Variants in ANKRD30BL observed in about 807,000 individuals in gnomAD.
ANKRD30BL encodes putative ankyrin repeat domain-containing protein 30B-like.
Under a neutral mutation model 18.4 loss-of-function variants are expected in ANKRD30BL, and 20 were observed. The ratio of observed to expected loss-of-function variants is 1.09; its 90% CI spans 0.77 to 1.58. The LOEUF (loss-of-function observed/expected upper bound fraction) is 1.58, where lower values mean the gene tolerates loss of function less well. Among genes scored for constraint, ANKRD30BL ranks in the 40% most tolerant of loss-of-function variants. The pLI is 0.00. For missense variants in ANKRD30BL, 224 were observed against 268.6 expected, an observed-to-expected ratio of 0.83 and a Z score of 1.16; for synonymous variants, 72 against 100.9, an observed-to-expected ratio of 0.71 and a Z score of 1.72.
chr2:132,217,327 A>G (rs1679533421), intron 1 of ANKRD30BL, among the ~76,000 whole-genome samples: 1 of 152,158 alleles, frequency 6.6e-6, no homozygotes, highest in African/African-American at 2.4e-5. Flanking sequence ...TTCACCTCAC[A>G]GAATTGAACC....
intron 1 of ANKRD30BL, among the ~76,000 whole-genome samples, chr2:132,243,233 A>T (rs1185877767): frequency 6.6e-6 from 1 of 151,360 alleles, no homozygotes; most frequent in Admixed American, 6.6e-5. Flanking sequence ...TCACATAACA[A>T]ATAGGCAGAA....
At chr2:132,231,306 T>C (rs571159672) in intron 1 of ANKRD30BL, among the ~76,000 whole-genome samples, 1 of 152,310 alleles carries the variant, frequency 6.6e-6, no homozygotes, top group African/African-American at 2.4e-5. Flanking sequence ...GAGGCCTTCA[T>C]TGAAAACGGG....
At chr2:132,191,331 G>A (rs1328938336) in intron 1 of ANKRD30BL, among the ~76,000 whole-genome samples, 1 of 151,988 alleles carries the variant, frequency 6.6e-6, no homozygotes, top group Non-Finnish European at 1.5e-5. Context: ...ATTTACAAAT[G>A]TTTCTATTCC....
At chr2:132,216,780 C>T (rs902451809) in intron 1 of ANKRD30BL, among the ~76,000 whole-genome samples, 1 of 151,900 alleles carries the variant, frequency 6.6e-6, no homozygotes, top group Non-Finnish European at 1.5e-5. Context: ...GAAGCATTCT[C>T]AGAAACTTCT....
At chr2:132,176,794 CA>C (rs1688374050) in intron 1 of ANKRD30BL, among the ~76,000 whole-genome samples, 2 of 151,966 alleles carry the variant, frequency 1.3e-5, no homozygotes, top group African/African-American at 2.4e-5. Flanking sequence ...CTGTAAAAAA[CA>C]AAAAATGCAG....
intron 1 of ANKRD30BL, among the ~76,000 whole-genome samples, chr2:132,217,693 A>C (rs567000091): frequency 1.3e-5 from 2 of 152,294 alleles, no homozygotes; most frequent in South Asian, 4.1e-4. Flanking sequence ...CTTTTTATAG[A>C]GCAGTTTAAG....
intron 1 of ANKRD30BL, among the ~76,000 whole-genome samples, chr2:132,239,825 T>C (rs62166213): frequency 8.8e-5 from 13 of 148,430 alleles, no homozygotes. Flanking sequence ...ATAAAAACTA[T>C]ACAGAAGCAT....
At chr2:132,202,153 C>T (rs1407213586) in intron 1 of ANKRD30BL, among the ~76,000 whole-genome samples, 1 of 146,224 alleles carries the variant, frequency 6.8e-6, no homozygotes, top group African/African-American at 2.8e-5. Flanking sequence ...GGGGTGGAGG[C>T]AGGGGGGAGG....
chr2:132,221,050 C>T (rs1015281398), intron 1 of ANKRD30BL, among the ~76,000 whole-genome samples: 28 of 150,410 alleles, frequency 1.9e-4, no homozygotes, highest in African/African-American at 2.2e-4. Flanking sequence ...TCTGCCCGGC[C>T]GCCCCGTCTG....
chr2:132,246,290 G>A (rs145226787), intron 1 of ANKRD30BL, among the ~76,000 whole-genome samples: 2 of 151,792 alleles, frequency 1.3e-5, no homozygotes, highest in South Asian at 2.1e-4. Flanking sequence ...GGTGAAAAAG[G>A]AAATATCTTC....
rs374037816 is a variant in ANKRD30BL, at chr2:132,223,153, C to T, written n.441+34376G>A. 4.2e-4 allele frequency among the ~76,000 whole-genome samples: 64 copies of T among 151,598 alleles called. No individual in the cohort carries two copies. The East Asian group carries it at 7.8e-3, about 19-fold the overall frequency. On this transcript the variant is annotated intron_variant and non_coding_transcript_variant, in intron 1 of 4. Coordinates refer to the ANKRD30BL transcript ENST00000470729. ...AGCAGCATTCTCATTAACTTCTTTG[C>T]GATGTGTACATTCAACTCACAGAGT...
intron 1 of ANKRD30BL, among the ~76,000 whole-genome samples, chr2:132,201,287 T>A (rs975936658): frequency 6.6e-6 from 1 of 152,072 alleles, no homozygotes; most frequent in African/African-American, 2.4e-5. Flanking sequence ...AAGCCAACAT[T>A]GACAAATGGG....
intron 1 of ANKRD30BL, among the ~76,000 whole-genome samples, chr2:132,189,382 T>C (rs563561452): frequency 1.7e-4 from 26 of 152,278 alleles, no homozygotes; most frequent in Middle Eastern, 3.4e-3. Context: ...AGAGATTTTA[T>C]TCACTTTTTA....
chr2:132,161,264 AGGT>A (rs1190061701), intron 1 of ANKRD30BL, among the ~76,000 whole-genome samples: 12 of 152,280 alleles, frequency 7.9e-5, no homozygotes, highest in African/African-American at 2.9e-4. Context: ...GTTGATTTTA[AGGT>A]GGCCTGTGCC....
At chr2:132,203,599 A>G (rs1340492244) in intron 1 of ANKRD30BL, among the ~76,000 whole-genome samples, 1 of 152,126 alleles carries the variant, frequency 6.6e-6, no homozygotes, top group African/African-American at 2.4e-5. Flanking sequence ...TCAGTAGAGA[A>G]ACTGAATACA....
At chr2:132,166,961 CAT>C (rs1462801262) in intron 1 of ANKRD30BL, among the ~76,000 whole-genome samples, 1 of 151,634 alleles carries the variant, frequency 6.6e-6, no homozygotes, top group African/African-American at 2.4e-5. Context: ...TACTGTATCT[CAT>C]ATATTTTAAT....
chr2:132,244,872 AG>A, intron 1 of ANKRD30BL, among the ~76,000 whole-genome samples: 1 of 152,298 alleles, frequency 6.6e-6, no homozygotes, highest in East Asian at 1.9e-4. Context: ...CTCTTTTTGT[AG>A]TATCTGCAAG....
intron 1 of ANKRD30BL, among the ~76,000 whole-genome samples, chr2:132,238,243 T>C (rs1343610707): frequency 6.6e-6 from 1 of 151,996 alleles, no homozygotes; most frequent in African/African-American, 2.4e-5. Flanking sequence ...ACTCTTCTTA[T>C]AGAATTTACA....
Position 132,221,191 on chromosome 2 carries a change from G to T in ANKRD30BL, n.441+36338C>A, listed in dbSNP as rs1478778312. ...CAGCCACCCCATCCGCGAGGGAGGT[G>T]GGGGGGGGTCAGCCCCCCGCCCGGC... On this transcript the variant is annotated intron_variant and non_coding_transcript_variant, in intron 1 of 4. Transcript: ENST00000470729. 3.9e-5 allele frequency among the ~76,000 whole-genome samples: 5 copies of T among 128,790 alleles called. 1 individual carries two copies. Among genetic ancestry groups the T allele is most frequent in the Admixed American group, 1.5e-4 (2 of 13,438 alleles). The allele number at this position is 128,790 out of a possible 152,430, so 84.5% of individuals were successfully genotyped here.
Sources: allele counts gnomAD v4.1 joint callset (sites outside exome capture counted in the v4.1 genomes callset), GRCh38; gene constraint gnomAD v4.1.1; transcripts MANE v1.5; gene names NCBI Gene and HGNC (gene_info 2026-07-23, HGNC 2026-07-21).